GORASP2: variants seen among roughly 807,000 people sequenced by gnomAD.
The protein encoded by GORASP2 is Golgi reassembly-stacking protein 2.
In GORASP2, 22 loss-of-function variants were observed where a neutral mutation model predicts 45.7. The observed-to-expected ratio is 0.48, with a 90% CI of 0.34 to 0.69. GORASP2 has a LOEUF of 0.69. Among genes scored for constraint, GORASP2 ranks in the 30% least tolerant of loss-of-function variants. GORASP2 has a pLI of 0.01. For missense variants in GORASP2, 491 were observed against 562.7 expected (o/e 0.87, Z 1.29); for synonymous variants, 221 against 215.6 (o/e 1.02, Z -0.22).
rs761242255 is a variant in GORASP2 at position 170,961,716 on chromosome 2, G to T, written c.877G>T (p.Val293Leu). ...ACAAGTAAACCAGTCCCTCACTTCT[G>T]TGCCACCAATGAATCCAGCTACTAC... Reference protein sequence around the residue: ...PPQVNQSLTSVPPMNPATTLP... With the variant: ...PPQVNQSLTSLPPMNPATTLP... The change falls in exon 8 of 10, where the codon GTG becomes TTG. Residue 293 changes from valine (V) to leucine (L), a missense_variant. Physicochemically the swap from Val to Leu is conservative, Grantham distance 32. This residue lies in a region of GORASP2 where 297 missense variants were observed against 292.3 expected (regional missense o/e 1.02). Transcript: ENST00000234160. 2.2e-5 allele frequency: 36 copies of T among 1,600,286 alleles called. No individual in the cohort carries two copies. Among genetic ancestry groups the T allele is most frequent in the Non-Finnish European group, 3.1e-5 (36 of 1,167,452 alleles).
chr2:170,929,080 C>T, upstream of GORASP2: 1 of 378,652 alleles, frequency 2.6e-6, no homozygotes, highest in Non-Finnish European at 4.7e-6. Context: ...GCCTCCCAGT[C>T]CTCCTCCGGC....
rs375517000 is a variant in GORASP2, at chr2:170,951,317, C to T, written c.436-11C>T. On this transcript the variant is annotated splice_polypyrimidine_tract_variant and intron_variant, in intron 4 of 9. Transcript: ENST00000234160. The stretch of plus-strand genomic sequence containing the variant: ...TAACGTGAAACATTTTCTCCTGTGA[C>T]ACTTTTGCAGTCTGAAGATCTATTC... The T allele has an allele frequency of 3.2e-5, 51 of 1,586,318 alleles. No homozygotes were observed. In the African/African-American group the frequency reaches 6.5e-4, roughly 20 times the overall value.
intron 6 of GORASP2, among the ~76,000 whole-genome samples, 154 bp downstream of exon 6, chr2:170,954,936 T>A (rs1283943836): frequency 3.3e-5 from 5 of 152,152 alleles, no homozygotes; most frequent in Non-Finnish European, 7.3e-5. Context: ...GTAAAATACC[T>A]AGATAGAGGT....
At chr2:170,935,213 T>C (rs1703919726) in intron 1 of GORASP2, among the ~76,000 whole-genome samples, 2 of 152,200 alleles carry the variant, frequency 1.3e-5, no homozygotes, top group South Asian at 4.1e-4. Flanking sequence ...TTTTCTAATA[T>C]TAATAGGCCT....
intron 1 of GORASP2, among the ~76,000 whole-genome samples, chr2:170,939,965 C>G (rs187191590): frequency 6.6e-6 from 1 of 151,268 alleles, no homozygotes; most frequent in African/African-American, 2.4e-5. Context: ...TCTTGTTTAA[C>G]ATCTCCACTG....
At chr2:170,954,466 G>A (rs1026021758) in intron 5 of GORASP2, 184 bp from the exon 6 acceptor site, 8 of 572,980 alleles carry the variant, frequency 1.4e-5, no homozygotes, top group African/African-American at 9.4e-5. Flanking sequence ...CCTCTGCTTA[G>A]ATGACATTAT....
At chr2:170,953,006 G>A (rs993873556) in intron 5 of GORASP2, among the ~76,000 whole-genome samples, 5 of 152,136 alleles carry the variant, frequency 3.3e-5, no homozygotes, top group African/African-American at 1.2e-4. Context: ...AGGGAAGAAG[G>A]GAAGAAGGAA....
intron 1 of GORASP2, among the ~76,000 whole-genome samples, chr2:170,930,773 G>A (rs967589318): frequency 6.6e-6 from 1 of 152,074 alleles, no homozygotes; most frequent in African/African-American, 2.4e-5. Context: ...AGAATTGTCA[G>A]TTCCCAAATG....
intron 1 of GORASP2, among the ~76,000 whole-genome samples, chr2:170,946,066 CA>C (rs1217724068): frequency 6.6e-6 from 1 of 152,062 alleles, no homozygotes; most frequent in Admixed American, 6.6e-5. Flanking sequence ...TACCGGAGTG[CA>C]GTGGTGCGAC....
At chr2:170,956,012 G>A (rs1212037573) in intron 6 of GORASP2, among the ~76,000 whole-genome samples, 1 of 152,224 alleles carries the variant, frequency 6.6e-6, no homozygotes, top group Non-Finnish European at 1.5e-5. Flanking sequence ...AGTCTATCAT[G>A]TATTAAGACT....
intron 1 of GORASP2, among the ~76,000 whole-genome samples, chr2:170,939,710 A>G (rs1215563676): frequency 6.6e-6 from 1 of 152,214 alleles, no homozygotes; most frequent in Non-Finnish European, 1.5e-5. Context: ...TCAAGCATCC[A>G]TGGGAGGTCT....
At chr2:170,954,886 C>T (rs1054559904) in intron 6 of GORASP2, 104 bp downstream of exon 6, 10 of 819,980 alleles carry the variant, frequency 1.2e-5, no homozygotes, top group Admixed American at 2.5e-5. Context: ...ATAGGGTAGA[C>T]GATGAGTTAA....
chr2:170,942,427 C>A (rs1432901745), intron 1 of GORASP2, among the ~76,000 whole-genome samples: 2 of 152,138 alleles, frequency 1.3e-5, no homozygotes, highest in African/African-American at 4.8e-5. Context: ...TGCTTTCTGT[C>A]TCTATGGATT....
intron 5 of GORASP2, 161 bp from the exon 6 acceptor site, chr2:170,954,489 A>T: frequency 1.6e-6 from 1 of 609,256 alleles, no homozygotes; most frequent in South Asian, 2.1e-5. Context: ...AAAAGAATAG[A>T]AATTTGTTTG....
At chr2:170,933,376 A>G (rs1434393175) in intron 1 of GORASP2, among the ~76,000 whole-genome samples, 2 of 152,188 alleles carry the variant, frequency 1.3e-5, no homozygotes, top group African/African-American at 2.4e-5. Flanking sequence ...ATTTTTGCCT[A>G]TATTTTCCAT....
intron 1 of GORASP2, among the ~76,000 whole-genome samples, chr2:170,935,572 C>G (rs1016484941): frequency 1.4e-5 from 2 of 140,034 alleles, no homozygotes; most frequent in African/African-American, 5.4e-5. Flanking sequence ...CGCCCCACCT[C>G]TTTTTTTTTT....
chr2:170,935,922 C>T (rs62170030), intron 1 of GORASP2, among the ~76,000 whole-genome samples: 6,729 of 152,190 alleles, frequency 0.044, 196 homozygotes, highest in South Asian at 0.1. Flanking sequence ...TTAATGCCTG[C>T]GCTATCATCC....
At chr2:170,939,438 A>G (rs1704024623) in intron 1 of GORASP2, among the ~76,000 whole-genome samples, 1 of 152,218 alleles carries the variant, frequency 6.6e-6, no homozygotes, top group Admixed American at 6.5e-5. Flanking sequence ...CCATTTGCAG[A>G]CATAGAATAT....
chr2:170,929,921 G>A (rs1246377782), intron 1 of GORASP2: 7 of 370,084 alleles, frequency 1.9e-5, no homozygotes, highest in Non-Finnish European at 3.4e-5. Context: ...GGCAGGAGAC[G>A]GAAAACCAAA....
Sources: gnomAD v4.1 joint callset for allele counts (sites outside exome capture counted in the v4.1 genomes callset) on GRCh38, gnomAD v4.1.1 for gene constraint, gnomAD v4.1.1 regional missense constraint, MANE v1.5 for transcripts, NCBI Gene and HGNC (gene_info 2026-07-23, HGNC 2026-07-21) for gene names.